ZNF599: variants seen among roughly 807,000 people sequenced by gnomAD.
The protein encoded by ZNF599 is zinc finger protein 599.
ZNF599 carries 10 observed loss-of-function variants against 11.7 expected under a neutral mutation model. The ratio of observed to expected loss-of-function variants is 0.86; its 90% confidence interval spans 0.53 to 1.45. The LOEUF is 1.45. ZNF599 is among the 40% of genes most tolerant of loss of function. The probability of loss-of-function intolerance (pLI) is 0.00; values close to 1 mark genes in which losing one functional copy is unlikely to be tolerated. For synonymous variants in ZNF599, 232 were observed against 253.2 expected, an observed-to-expected ratio of 0.92 and a Z score of 0.79; for missense variants, 688 against 713.6, an observed-to-expected ratio of 0.96 and a Z score of 0.41.
rs142906895 is a variant in ZNF599, at chr19:34,768,921, T to C, written c.145+508A>G. Among the ~76,000 whole-genome samples, 530 of 152,320 alleles carry C rather than the reference T, an allele frequency of 3.5e-3. 4 individuals carry two copies. Among genetic ancestry groups the C allele is most frequent in the African/African-American group, 0.012 (508 of 41,564 alleles). ...TTTCCATAATCATAATCATCTCCTG[T>C]AGCAGCAGAGGAGCAAGGCACAGGC... On this transcript the variant is annotated intron_variant, in intron 2 of 3. Transcript: ENST00000329285.
rs868774839 is a variant in ZNF599, at chr19:34,760,446, C to A, written c.355G>T (p.Gly119Trp). 2 of 1,614,140 alleles carry A rather than the reference C, an allele frequency of 1.2e-6. No individual in the cohort carries two copies. Among genetic ancestry groups the A allele is most frequent in the African/African-American group, 2.7e-5 (2 of 75,030 alleles). ...AQRSSRDSRL[G>W]QARDEEKLIK... ...AGCTTTTCCTCATCTCTAGCTTGCC[C>A]CAACCTGGAATCTCTTGAGGATCTC... Residue 119 changes from glycine (G) to tryptophan (W), a missense_variant, in exon 4 of 4, where the codon GGG (glycine) becomes TGG (tryptophan). Coordinates refer to ENST00000329285, the MANE Select transcript of ZNF599 (RefSeq NM_001007248.3).
chr19:34,759,884 G>T lies in ZNF599; in HGVS notation c.917C>A (p.Thr306Asn), dbSNP rs757796511. The change falls in exon 4 of 4, where the codon ACT becomes AAT. Residue 306 changes from threonine to asparagine, a missense_variant. Physicochemically the swap from Thr to Asn is moderately conservative, Grantham distance 65. Coordinates refer to ENST00000329285, the MANE Select transcript of ZNF599 (RefSeq NM_001007248.3). ...TTTGCATAAAAAGGGTTTTTCTCGA[G>T]TGTGAGTCATATTATGCTGGATAAA... is the stretch of plus-strand genomic sequence containing the variant. Reference protein sequence around the residue: ...SSFIQHNMTHTREKPFLCKEC... With the variant: ...SSFIQHNMTHNREKPFLCKEC... 1 of 1,614,136 alleles carries T rather than the reference G, an allele frequency of 6.2e-7. No individual in the cohort carries two copies. Among genetic ancestry groups the T allele is most frequent in the Admixed American group, 1.7e-5 (1 of 60,028 alleles).
intron 3 of ZNF599, chr19:34,763,394 C>T (rs1462126082): frequency 2.6e-5 from 4 of 152,214 alleles, no homozygotes; most frequent in African/African-American, 9.7e-5. Flanking sequence ...GGCATGGTGG[C>T]TCATGCCTGT....
Position 34,760,439 on chromosome 19 carries a change from G to C in ZNF599, c.362C>G (p.Ala121Gly). Residue 121 changes from alanine (A) to glycine (G), a missense_variant, in exon 4 of 4, where the codon GCT becomes GGT. Transcript: ENST00000329285. ...RSSRDSRLGQ[A>G]RDEEKLIKIQ... ...TTTTATTAGCTTTTCCTCATCTCTA[G>C]CTTGCCCCAACCTGGAATCTCTTGA... 2 of 1,614,064 alleles carry C rather than the reference G, an allele frequency of 1.2e-6. No individual in the cohort carries two copies. Among genetic ancestry groups the C allele is most frequent in the Non-Finnish European group, 1.7e-6 (2 of 1,180,016 alleles).
the ZNF599 span, among the ~76,000 whole-genome samples, chr19:34,784,449 G>C: frequency 6.6e-6 from 1 of 152,094 alleles, no homozygotes; most frequent in Non-Finnish European, 1.5e-5. Flanking sequence ...ATATATTTTG[G>C]GGGGAATACA....
chr19:34,787,291 T>C, the ZNF599 span, among the ~76,000 whole-genome samples: 1 of 151,948 alleles, frequency 6.6e-6, no homozygotes, highest in South Asian at 2.1e-4. Flanking sequence ...ATACAATGGC[T>C]GTGAGGGGGC....
chr19:34,758,246 CT>C lies in ZNF599; in HGVS notation c.*787del, dbSNP rs1446926364. ...CACAGAAGCTAACGCTGTATTTCCCCTAGCAACAATCATTCAGCATTCACTA... is the reference window on the plus strand; with the variant it reads ...CACAGAAGCTAACGCTGTATTTCCCCAGCAACAATCATTCAGCATTCACTA... On this transcript the variant is annotated 3_prime_UTR_variant, in exon 4 of 4. Transcript: ENST00000329285. 6.6e-6 allele frequency: 1 copy of C among 152,206 alleles called. No individual in the cohort carries two copies. The highest frequency in any genetic ancestry group is 1.5e-5 in the Non-Finnish European group (1 of 68,042). 9.4% of individuals were successfully genotyped at this position (152,206 alleles called of 1,614,324 possible).
chr19:34,772,945 C>T lies in ZNF599; in HGVS notation c.-104G>A, dbSNP rs2069194592. 3.1e-6 allele frequency: 4 copies of T among 1,306,460 alleles called. No individual in the cohort carries two copies. The highest frequency in any genetic ancestry group is 3.4e-5 in the Admixed American group (1 of 28,996). 80.9% of individuals were successfully genotyped at this position (1,306,460 alleles called of 1,614,324 possible). A position where few individuals can be genotyped will look rare whatever the true frequency, so the allele number is the denominator to read the frequency against. ...CTCTGGGCTGCGAGGGACCTCAGTCCCCGCCGTCGTGTAAAATGCACACAA... is the reference window on the plus strand; with the variant it reads ...CTCTGGGCTGCGAGGGACCTCAGTCTCCGCCGTCGTGTAAAATGCACACAA... On this transcript the variant is annotated 5_prime_UTR_variant, in exon 1 of 4. Transcript: ENST00000329285.
chr19:34,804,221 AG>A, the ZNF599 span, among the ~76,000 whole-genome samples: 1 of 152,234 alleles, frequency 6.6e-6, no homozygotes, highest in Non-Finnish European at 1.5e-5. Context: ...TATCCTGGCG[AG>A]TCCGTAGAGC....
At position 34,759,384 on chromosome 19, in the gene ZNF599, G is replaced by A. The variant is rs767089431; in HGVS notation, c.1417C>T (p.His473Tyr). Residue 473 changes from histidine (H) to tyrosine (Y), a missense_variant, in exon 4 of 4, where the codon CAC (histidine) becomes TAC (tyrosine). By Grantham distance (83) the His-to-Tyr change is moderately conservative. Coordinates refer to ENST00000329285, the MANE Select transcript of ZNF599 (RefSeq NM_001007248.3). Reference protein sequence around the residue: ...HSVFIRHNRTHSGQKPLECKE... With the variant: ...HSVFIRHNRTYSGQKPLECKE... ...CACTCCAAGGGTTTTTGTCCACTGT[G>A]GGTCCTATTATGTCGAATAAAAACA... The A allele has an allele frequency of 1.2e-6, 2 of 1,613,980 alleles. No homozygotes were observed. The highest frequency in any genetic ancestry group is 1.3e-5 in the African/African-American group (1 of 74,888).
chr19:34,759,875 T>G lies in ZNF599; in HGVS notation c.926A>C (p.Lys309Thr). ...CCCACATTCTTTGCATAAAAAGGGT[T>G]TTTCTCGAGTGTGAGTCATATTATG... ...IQHNMTHTRE[K>T]PFLCKECGKA... The change falls in exon 4 of 4, where the codon AAA becomes ACA. Residue 309 changes from lysine (K) to threonine (T), a missense_variant. Transcript: ENST00000329285. The G allele has an allele frequency of 1.2e-6, 2 of 1,614,086 alleles. No homozygotes were observed. Among genetic ancestry groups the G allele is most frequent in the Non-Finnish European group, 1.7e-6 (2 of 1,180,018 alleles).
In ZNF599 at chr19:34,760,118, T is replaced by A; in HGVS notation, c.683A>T (p.Glu228Val). The change falls in exon 4 of 4, where the codon GAG becomes GTG. Residue 228 changes from glutamate (E) to valine (V), a missense_variant. By Grantham distance (121) the Glu-to-Val change is moderately radical. Coordinates refer to ENST00000329285, the MANE Select transcript of ZNF599 (RefSeq NM_001007248.3). Reference sequence around the variant, plus strand: ...ACAGGCTTTCCCACACTCATTGCACTCATAGGGCTTCACTCCAGCATGAAT... The same window carrying A: ...ACAGGCTTTCCCACACTCATTGCACACATAGGGCTTCACTCCAGCATGAAT... ...QQIHAGVKPY[E>V]CNECGKACRY... 1 of 1,614,142 alleles carries A rather than the reference T, an allele frequency of 6.2e-7. No homozygotes were observed. Among genetic ancestry groups the A allele is most frequent in the Non-Finnish European group, 8.5e-7 (1 of 1,180,024 alleles).
chr19:34,789,924 T>C, the ZNF599 span, among the ~76,000 whole-genome samples: 1 of 152,178 alleles, frequency 6.6e-6, no homozygotes, highest in East Asian at 1.9e-4. Flanking sequence ...AAGTCGTGGC[T>C]CAGATCAAAG....
intron 1 of ZNF599, chr19:34,772,339 T>C (rs920920457): frequency 2.2e-5 from 22 of 992,274 alleles, no homozygotes; most frequent in Non-Finnish European, 1.1e-5. Flanking sequence ...GCCTCACCTC[T>C]TGCCCTCGAG....
chr19:34,783,871 A>G, the ZNF599 span, among the ~76,000 whole-genome samples: 2 of 152,004 alleles, frequency 1.3e-5, no homozygotes, highest in Non-Finnish European at 2.9e-5. Context: ...TCTAGGCCCC[A>G]CCTGTGAAGC....
At chr19:34,781,401 G>A in the ZNF599 span, among the ~76,000 whole-genome samples, 2 of 152,164 alleles carry the variant, frequency 1.3e-5, no homozygotes, top group African/African-American at 4.8e-5. Flanking sequence ...TTCACAGAGA[G>A]AGCCCTTGCT....
chr19:34,786,058 G>A, the ZNF599 span, among the ~76,000 whole-genome samples: 1 of 152,114 alleles, frequency 6.6e-6, no homozygotes, highest in Non-Finnish European at 1.5e-5. Flanking sequence ...CTAATGCAAA[G>A]GGGTGGAGGT....
At chr19:34,790,053 T>G in the ZNF599 span, among the ~76,000 whole-genome samples, 1 of 152,212 alleles carries the variant, frequency 6.6e-6, no homozygotes, top group African/African-American at 2.4e-5. Flanking sequence ...GGGTCTAAGT[T>G]CATCCCTCTG....
At chr19:34,770,943 C>G (rs1187580307) in intron 1 of ZNF599, among the ~76,000 whole-genome samples, 1 of 152,118 alleles carries the variant, frequency 6.6e-6, no homozygotes, top group Non-Finnish European at 1.5e-5. Flanking sequence ...AGCTGTCGCC[C>G]CCAGGGATCT....
Sources: allele counts gnomAD v4.1 joint callset (sites outside exome capture counted in the v4.1 genomes callset), GRCh38; gene constraint gnomAD v4.1.1; transcripts MANE v1.5; gene names NCBI Gene and HGNC (gene_info 2026-07-23, HGNC 2026-07-21).